Variants in RALGPS2 observed in about 807,000 individuals in gnomAD.
The protein encoded by RALGPS2 is ras-specific guanine nucleotide-releasing factor RalGPS2.
In RALGPS2, 43 loss-of-function variants were observed where a neutral mutation model predicts 86.8. That is an observed-to-expected ratio of 0.50 (90% CI 0.39 to 0.64). RALGPS2 has a LOEUF of 0.64. Among genes scored for constraint, RALGPS2 ranks in the 30% least tolerant of loss-of-function variants. The pLI is 0.00. For missense variants in RALGPS2, 536 were observed against 694.6 expected (o/e 0.77, Z 2.57); for synonymous variants, 243 against 231.3 (o/e 1.05, Z -0.46).
intron 1 of RALGPS2, among the ~76,000 whole-genome samples, chr1:178,738,801 CTCTT>C (rs1231108015): frequency 6.6e-6 from 1 of 152,144 alleles, no homozygotes; most frequent in Non-Finnish European, 1.5e-5. Flanking sequence ...ATTTCTTTTA[CTCTT>C]TCTTTCAGAA....
chr1:178,773,535 G>A (rs1652910534), intron 1 of RALGPS2, among the ~76,000 whole-genome samples: 2 of 152,184 alleles, frequency 1.3e-5, no homozygotes, highest in Non-Finnish European at 1.5e-5. Flanking sequence ...TTTAGAACTT[G>A]TAGTACTTTT....
intron 8 of RALGPS2, among the ~76,000 whole-genome samples, chr1:178,861,689 A>G (rs745490050): frequency 1.3e-5 from 2 of 152,186 alleles, no homozygotes; most frequent in Non-Finnish European, 2.9e-5. Context: ...ACACAGCTCA[A>G]TTATGTTTAT....
At position 178,731,272 on chromosome 1, in the gene RALGPS2, G is replaced by GTTTTTTTTTTTTTT. The variant is rs57628726; in HGVS notation, c.-84+5869_-84+5882dup. ...TGATTATACTTTTCTAGTTGTTTTG[G>GTTTTTTTTTTTTTT]TTTTTTTTTTTTTTTTTTTTTTTTT... is the stretch of plus-strand genomic sequence containing the variant. On this transcript the variant is annotated intron_variant, in intron 1 of 19. Transcript: ENST00000367635. Among the ~76,000 whole-genome samples the GTTTTTTTTTTTTTT allele has an allele frequency of 3.3e-4, 19 of 57,966 alleles. 2 individuals are homozygous for GTTTTTTTTTTTTTT. Among genetic ancestry groups the GTTTTTTTTTTTTTT allele is most frequent in the African/African-American group, 6.0e-4 (9 of 15,034 alleles). The allele number at this position is 57,966 out of a possible 152,430, so 38.0% of individuals were successfully genotyped here.
At chr1:178,850,577 ATAT>A (rs1244132590) in intron 8 of RALGPS2, 3 of 152,152 alleles carry the variant, frequency 2.0e-5, no homozygotes, top group South Asian at 2.1e-4. Flanking sequence ...AGCATAGGAT[ATAT>A]TATTAAGAAT....
chr1:178,852,753 T>G, intron 8 of RALGPS2: 1 of 1,613,962 alleles, frequency 6.2e-7, no homozygotes, highest in South Asian at 1.1e-5. Flanking sequence ...TAGAATCCCC[T>G]GCATTTCCCT....
chr1:178,865,841 A>G, intron 8 of RALGPS2: 2 of 1,239,480 alleles, frequency 1.6e-6, no homozygotes, highest in East Asian at 2.3e-5. Flanking sequence ...AAAAGCAAAA[A>G]GAATTCATAT....
chr1:178,775,850 A>G (rs1266361999), intron 1 of RALGPS2, among the ~76,000 whole-genome samples: 1 of 152,036 alleles, frequency 6.6e-6, no homozygotes, highest in Non-Finnish European at 1.5e-5. Context: ...ATATTATGGT[A>G]CAGTAAAGCC....
intron 4 of RALGPS2, among the ~76,000 whole-genome samples, chr1:178,800,044 T>A (rs1308796088): frequency 6.6e-6 from 1 of 152,060 alleles, no homozygotes; most frequent in Non-Finnish European, 1.5e-5. Flanking sequence ...TTGGAGAAAT[T>A]CAAGAGCTAA....
intron 18 of RALGPS2, among the ~76,000 whole-genome samples, chr1:178,904,651 A>T (rs1295923944): frequency 6.6e-6 from 1 of 152,124 alleles, no homozygotes; most frequent in Non-Finnish European, 1.5e-5. Context: ...GTTAAAGATC[A>T]GTTGGCTGTA....
intron 1 of RALGPS2, among the ~76,000 whole-genome samples, chr1:178,728,982 G>A (rs1477904975): frequency 2.0e-5 from 3 of 152,194 alleles, no homozygotes; most frequent in African/African-American, 7.2e-5. Context: ...CAGTTATATG[G>A]ATATAGCAGT....
At chr1:178,905,697 T>C (rs1660360950) in intron 18 of RALGPS2, among the ~76,000 whole-genome samples, 2 of 152,132 alleles carry the variant, frequency 1.3e-5, no homozygotes, top group Admixed American at 1.3e-4. Flanking sequence ...AAAAAGGAAA[T>C]AAAGCTTAAT....
At chr1:178,843,511 G>A (rs112207827) in intron 8 of RALGPS2, among the ~76,000 whole-genome samples, 1,561 of 114,214 alleles carry the variant, frequency 0.014, 27 homozygotes, top group African/African-American at 0.048. Context: ...GGTGGGGTGG[G>A]GGGAGGGGGG....
At chr1:178,778,883 G>A (rs545360780) in intron 2 of RALGPS2, among the ~76,000 whole-genome samples, 7 of 152,224 alleles carry the variant, frequency 4.6e-5, no homozygotes, top group African/African-American at 7.2e-5. Context: ...TTAGTGATTC[G>A]TATGTTCCCT....
chr1:178,786,360 G>GTA (rs1653649378), intron 4 of RALGPS2, among the ~76,000 whole-genome samples: 2 of 152,048 alleles, frequency 1.3e-5, no homozygotes, highest in South Asian at 2.1e-4. Context: ...ACTAACTCTA[G>GTA]TAATCTTTTC....
At chr1:178,733,099 G>A (rs1264701317) in intron 1 of RALGPS2, among the ~76,000 whole-genome samples, 2 of 152,108 alleles carry the variant, frequency 1.3e-5, no homozygotes, top group Non-Finnish European at 2.9e-5. Flanking sequence ...GTTCCTTGAA[G>A]GAACTATAGA....
chr1:178,890,902 G>A (rs1572455395), intron 14 of RALGPS2, among the ~76,000 whole-genome samples: 1 of 152,104 alleles, frequency 6.6e-6, no homozygotes, highest in East Asian at 1.9e-4. Context: ...AAAAACACAA[G>A]AATTGCCTTT....
rs1262481922 is a variant in RALGPS2 at position 178,888,780 on chromosome 1, G to A, written c.1193-862G>A. On this transcript the variant is annotated intron_variant, in intron 13 of 19. Transcript: ENST00000367635. ...TTAATCCATCGTCTCTAAGAGAGAC[G>A]AGTCTAATGGATACCTTACAGCATC... 2.6e-5 allele frequency among the ~76,000 whole-genome samples: 4 copies of A among 152,162 alleles called. No homozygotes were observed. In the East Asian group the frequency reaches 7.7e-4, roughly 29 times the overall value.
chr1:178,896,894 C>CTAT (rs1376781059), intron 16 of RALGPS2, among the ~76,000 whole-genome samples: 2 of 150,458 alleles, frequency 1.3e-5, no homozygotes, highest in Admixed American at 1.3e-4. Context: ...CAAGTCTTTG[C>CTAT]TATTGTGAAT....
chr1:178,799,039 CTGT>C lies in RALGPS2; in HGVS notation c.214-8992_214-8990del, dbSNP rs900488815. On this transcript the variant is annotated intron_variant, in intron 4 of 19. Coordinates refer to ENST00000367635, the MANE Select transcript of RALGPS2 (RefSeq NM_152663.5). ...AATGGGTATCTGCTTGAACAAGTTG[CTGT>C]TGTTGTTGTTGTTTTGAGACGGAGT... Among the ~76,000 whole-genome samples the C allele has an allele frequency of 1.1e-4, 16 of 152,078 alleles. No homozygotes were observed. The East Asian group carries it at 2.3e-3, about 22-fold the overall frequency.
Sources: allele counts gnomAD v4.1 joint callset (sites outside exome capture counted in the v4.1 genomes callset), GRCh38; gene constraint gnomAD v4.1.1; transcripts MANE v1.5; gene names NCBI Gene and HGNC (gene_info 2026-07-23, HGNC 2026-07-21).